Variants in PHTF1 observed in about 807,000 individuals in gnomAD.
PHTF1 encodes protein PHTF1.
In PHTF1, 88 loss-of-function variants were observed where a neutral mutation model predicts 102.4. The observed-to-expected ratio is 0.86, with a 90% CI of 0.72 to 1.03. The LOEUF (loss-of-function observed/expected upper bound fraction) is 1.03. Ranked by LOEUF, PHTF1 falls within the 50% of genes least tolerant of loss-of-function variation. The probability of loss-of-function intolerance (pLI) is 0.00; values close to 1 mark genes in which losing one functional copy is unlikely to be tolerated. For synonymous variants in PHTF1, 289 were observed against 305.2 expected (o/e 0.95, Z 0.55); for missense variants, 814 against 909.5 (o/e 0.89, Z 1.35).
At chr1:113,737,502 T>A (rs61817587) in intron 5 of PHTF1, among the ~76,000 whole-genome samples, 1 of 152,200 alleles carries the variant, frequency 6.6e-6, no homozygotes, top group African/African-American at 2.4e-5. Context: ...ACTTAGAGAA[T>A]AGAACCTAGG....
At position 113,716,169 on chromosome 1, in the gene PHTF1, A is replaced by G. The variant is rs910519111; in HGVS notation, c.624-2731T>C. On this transcript the variant is annotated intron_variant, in intron 7 of 18. Coordinates refer to ENST00000369604, the MANE Select transcript of PHTF1 (RefSeq NM_001323043.2). ...AAAGAAGATTACCTCAAGGCATTTA[A>G]CAATCAAACCCTCAAAGATCAAAGA... Among the ~76,000 whole-genome samples, 29 of 152,272 alleles carry G rather than the reference A, an allele frequency of 1.9e-4. 1 individual carries two copies. The highest frequency in any genetic ancestry group is 2.1e-4 in the South Asian group (1 of 4,824).
At chr1:113,702,968 A>C (rs1352183778) in intron 15 of PHTF1, among the ~76,000 whole-genome samples, 1 of 152,210 alleles carries the variant, frequency 6.6e-6, no homozygotes, top group Non-Finnish European at 1.5e-5. Context: ...AAAATAAATA[A>C]ATCACTATAA....
At chr1:113,737,717 T>G (rs961050797) in intron 5 of PHTF1, among the ~76,000 whole-genome samples, 2 of 152,128 alleles carry the variant, frequency 1.3e-5, no homozygotes, top group African/African-American at 2.4e-5. Context: ...AAGGATTGCT[T>G]GCGTCTGGGA....
intron 5 of PHTF1, among the ~76,000 whole-genome samples, chr1:113,727,286 A>G (rs1231115793): frequency 7.2e-5 from 11 of 152,208 alleles, no homozygotes; most frequent in Non-Finnish European, 1.3e-4. Context: ...ACAATAAACT[A>G]TAGATCTTGT....
rs60547287 is a variant in PHTF1, at chr1:113,697,453, AACAC to A, written c.*248_*251del. ...TACAAAATTGTCTTTGTGTTACCAC[AACAC>A]ACACAGTCTTTAGTCAGCTGACTAT... is the stretch of plus-strand genomic sequence containing the variant. On this transcript the variant is annotated 3_prime_UTR_variant, in exon 19 of 19. Coordinates refer to ENST00000369604, the MANE Select transcript of PHTF1 (RefSeq NM_001323043.2). The A allele has an allele frequency of 7.4e-6, 3 of 405,774 alleles. No individual in the cohort carries two copies. The East Asian group carries it at 1.3e-4, about 17-fold the overall frequency. 25.1% of individuals were successfully genotyped at this position (405,774 alleles called of 1,614,324 possible).
chr1:113,732,368 C>T (rs1314633274), intron 5 of PHTF1, among the ~76,000 whole-genome samples: 3 of 152,004 alleles, frequency 2.0e-5, no homozygotes, highest in South Asian at 2.1e-4. Flanking sequence ...TAGTGGCATA[C>T]GCCTGTAATC....
chr1:113,711,799 G>A lies in PHTF1; in HGVS notation c.994C>T (p.Arg332Trp), dbSNP rs777369115. 67 of 1,613,670 alleles carry A rather than the reference G, an allele frequency of 4.2e-5. No homozygotes were observed. The highest frequency in any genetic ancestry group is 2.4e-4 in the South Asian group (22 of 91,076). ...KTTTRWCHIV[R>W]DSDSLAESEF... ...GATTCAGCCAGACTATCTGAATCCCGCACAATATGACACCACCTTGTAGTG... is the reference window on the plus strand; with the variant it reads ...GATTCAGCCAGACTATCTGAATCCCACACAATATGACACCACCTTGTAGTG... The change falls in exon 10 of 19, where the codon CGG becomes TGG. Residue 332 changes from arginine (R) to tryptophan (W), a missense_variant. Arg to Trp is a moderately radical substitution (Grantham distance 101, BLOSUM62 -3). Transcript: ENST00000369604.
At chr1:113,716,703 T>C (rs1023010246) in intron 7 of PHTF1, among the ~76,000 whole-genome samples, 8 of 152,004 alleles carry the variant, frequency 5.3e-5, no homozygotes, top group African/African-American at 2.4e-5. Context: ...TACAATACTA[T>C]ACCCAACAAA....
chr1:113,705,629 A>ACAC (rs1455199727), intron 13 of PHTF1: 1 of 343,972 alleles, frequency 2.9e-6, no homozygotes, highest in East Asian at 4.9e-5. Flanking sequence ...TGAGGTGCAG[A>ACAC]TGCTAAGCAG....
At chr1:113,709,285 T>A (rs577566475) in intron 11 of PHTF1, among the ~76,000 whole-genome samples, 1 of 152,312 alleles carries the variant, frequency 6.6e-6, no homozygotes, top group Non-Finnish European at 1.5e-5. Context: ...GTTCATTTTT[T>A]AAAAATTATA....
At chr1:113,710,036 G>A (rs1451112518) in intron 11 of PHTF1, among the ~76,000 whole-genome samples, 2 of 152,052 alleles carry the variant, frequency 1.3e-5, no homozygotes, top group African/African-American at 4.8e-5. Flanking sequence ...GTAATATACA[G>A]AAAAATTTAG....
intron 5 of PHTF1, among the ~76,000 whole-genome samples, chr1:113,737,495 T>TA (rs1346779455): frequency 6.6e-6 from 1 of 152,188 alleles, no homozygotes; most frequent in Non-Finnish European, 1.5e-5. Context: ...TGAGACTACT[T>TA]AGAGAATAGA....
At chr1:113,753,634 C>A (rs1658416321) in intron 3 of PHTF1, among the ~76,000 whole-genome samples, 1 of 151,874 alleles carries the variant, frequency 6.6e-6, no homozygotes, top group Non-Finnish European at 1.5e-5. Context: ...CACCATGTTG[C>A]CCAGGCTAGT....
At chr1:113,711,893 C>A in intron 9 of PHTF1, 47 bp downstream of exon 9, 1 of 1,602,530 alleles carries the variant, frequency 6.2e-7, no homozygotes, top group Non-Finnish European at 8.5e-7. Flanking sequence ...TTGTTACTAA[C>A]TTCAATGATT....
intron 5 of PHTF1, among the ~76,000 whole-genome samples, chr1:113,736,452 A>T (rs1393213993): frequency 6.7e-6 from 1 of 149,884 alleles, no homozygotes; most frequent in Non-Finnish European, 1.5e-5. Context: ...AGCCTTAAGA[A>T]TGCTTTAAAC....
intron 3 of PHTF1, among the ~76,000 whole-genome samples, chr1:113,752,998 T>C (rs568813808): frequency 6.6e-6 from 1 of 152,326 alleles, no homozygotes; most frequent in East Asian, 1.9e-4. Flanking sequence ...TTAATAGGCA[T>C]TGAATTTTGT....
intron 9 of PHTF1, 34 bp downstream of exon 9, chr1:113,711,906 G>A (rs758262715): frequency 1.9e-6 from 3 of 1,600,688 alleles, no homozygotes; most frequent in Admixed American, 3.3e-5. Context: ...CAATGATTCA[G>A]TCCTATACTT....
chr1:113,706,751 A>C (rs1377460112), intron 11 of PHTF1, 29 bp from the exon 12 acceptor site: 2 of 1,558,690 alleles, frequency 1.3e-6, no homozygotes, highest in East Asian at 4.6e-5. Flanking sequence ...AATTGTTTCT[A>C]TCCATGCCCT....
chr1:113,725,034 T>C (rs1653616327), intron 6 of PHTF1, 141 bp from the exon 7 acceptor site: 1 of 593,314 alleles, frequency 1.7e-6, no homozygotes, highest in Non-Finnish European at 2.8e-6. Flanking sequence ...GGATAAACTA[T>C]GCAAGAACTT....
Sources: gnomAD v4.1 joint callset for allele counts (sites outside exome capture counted in the v4.1 genomes callset) on GRCh38, gnomAD v4.1.1 for gene constraint, MANE v1.5 for transcripts, NCBI Gene and HGNC (gene_info 2026-07-23, HGNC 2026-07-21) for gene names.